RIMS2: variants seen among roughly 807,000 people sequenced by gnomAD.
The protein encoded by RIMS2 is regulating synaptic membrane exocytosis protein 2.
RIMS2 carries 59 observed loss-of-function variants against 174.4 expected under a neutral mutation model. That is an observed-to-expected ratio of 0.34 (90% CI 0.27 to 0.42). The LOEUF (loss-of-function observed/expected upper bound fraction) is 0.42, where lower values mean the gene tolerates loss of function less well. RIMS2 is among the 10% of genes least tolerant of loss of function. The pLI is 1.00. For synonymous variants in RIMS2, 606 were observed against 572.5 expected (o/e 1.06, Z -0.84); for missense variants, 1,620 against 1,666.3 (o/e 0.97, Z 0.48).
chr8:103,632,025 T>C (rs986770981), intron 1 of RIMS2, among the ~76,000 whole-genome samples: 9 of 152,208 alleles, frequency 5.9e-5, no homozygotes, highest in African/African-American at 2.2e-4. Context: ...AGCTTTTGTG[T>C]AGAGACTATG....
intron 2 of RIMS2, among the ~76,000 whole-genome samples, chr8:103,721,762 T>G (rs2097451916): frequency 6.6e-6 from 1 of 152,210 alleles, no homozygotes; most frequent in Non-Finnish European, 1.5e-5. Flanking sequence ...CTGCATGGGA[T>G]TCCCATAACT....
intron 2 of RIMS2, among the ~76,000 whole-genome samples, chr8:103,710,560 G>A (rs920586078): frequency 7.2e-5 from 11 of 152,238 alleles, no homozygotes; most frequent in Admixed American, 5.9e-4. Context: ...GGATAGTGAT[G>A]TTAGAAAGAC....
intron 1 of RIMS2, among the ~76,000 whole-genome samples, chr8:103,601,191 C>G (rs1176915875): frequency 6.6e-6 from 1 of 152,110 alleles, no homozygotes; most frequent in Admixed American, 6.6e-5. Flanking sequence ...GTATCCTTTG[C>G]TATACAGAAG....
intron 4 of RIMS2, among the ~76,000 whole-genome samples, chr8:103,906,396 C>A (rs2074412530): frequency 6.6e-6 from 1 of 152,078 alleles, no homozygotes; most frequent in Non-Finnish European, 1.5e-5. Flanking sequence ...GAGCTACATG[C>A]CACCATGCCC....
intron 4 of RIMS2, among the ~76,000 whole-genome samples, chr8:103,909,507 TAA>T (rs1476743949): frequency 6.6e-6 from 1 of 152,132 alleles, no homozygotes; most frequent in Admixed American, 6.5e-5. Context: ...GATGTTTAAG[TAA>T]AGTTTATTTT....
intron 2 of RIMS2, among the ~76,000 whole-genome samples, chr8:103,756,990 T>C (rs1240536365): frequency 7.2e-6 from 1 of 138,380 alleles, no homozygotes; most frequent in Admixed American, 7.0e-5. Context: ...TGTGTGTGTG[T>C]GTGTGTGTGT....
intron 3 of RIMS2, among the ~76,000 whole-genome samples, chr8:103,816,828 G>T (rs890529797): frequency 5.3e-5 from 8 of 152,138 alleles, no homozygotes; most frequent in Admixed American, 2.0e-4. Flanking sequence ...TCATTCTAGT[G>T]TTTCCATTAC....
Position 103,590,026 on chromosome 8 carries a change from G to A in RIMS2, c.176+88964G>A, listed in dbSNP as rs142413040. ...TAAGATCTACTATTTTATGCACAACGTGGTGACTATAGTTAATAATTACTT... is the reference window on the plus strand; with the variant it reads ...TAAGATCTACTATTTTATGCACAACATGGTGACTATAGTTAATAATTACTT... On this transcript the variant is annotated intron_variant, in intron 1 of 23. Transcript: ENST00000504942. Among the ~76,000 whole-genome samples, 89 of 151,374 alleles carry A rather than the reference G, an allele frequency of 5.9e-4. 2 individuals carry two copies. The Middle Eastern group carries it at 0.017, about 29-fold the overall frequency.
chr8:103,666,233 C>T (rs2136226865), intron 1 of RIMS2, among the ~76,000 whole-genome samples: 2 of 152,254 alleles, frequency 1.3e-5, no homozygotes, highest in Middle Eastern at 3.4e-3. Flanking sequence ...AGTTGGTCAC[C>T]TGTTATTGCC....
chr8:103,787,980 T>G (rs2154439698), intron 3 of RIMS2, among the ~76,000 whole-genome samples: 1 of 151,250 alleles, frequency 6.6e-6, no homozygotes, highest in Non-Finnish European at 1.5e-5. Context: ...CTTTTTATTC[T>G]TTTTTCTCTA....
chr8:104,003,301 C>G (rs899354534), intron 17 of RIMS2, among the ~76,000 whole-genome samples: 1 of 151,980 alleles, frequency 6.6e-6, no homozygotes, highest in Non-Finnish European at 1.5e-5. Context: ...AATGTATGAA[C>G]AGGGTCACAG....
At chr8:104,215,297 C>G (rs1282467866) in intron 19 of RIMS2, among the ~76,000 whole-genome samples, 1 of 151,946 alleles carries the variant, frequency 6.6e-6, no homozygotes, top group African/African-American at 2.4e-5. Flanking sequence ...ATACATGAAG[C>G]TTGGCTAGTA....
In RIMS2 at chr8:103,928,024, A is replaced by G. The variant is rs1470346258; in HGVS notation, c.2244+135A>G. 8 of 654,820 alleles carry G rather than the reference A, an allele frequency of 1.2e-5. No homozygotes were observed. In the East Asian group the frequency reaches 2.4e-4, roughly 19 times the overall value. The allele number at this position is 654,820 out of a possible 1,614,324, so 40.6% of individuals were successfully genotyped here. A position where few individuals can be genotyped will look rare whatever the true frequency, so the allele number is the denominator to read the frequency against. ...ATATTATTGACTTTCAAATCATTTT[A>G]TTAGCCAGCTTGTAAAATTTTGCAT... On this transcript the variant is annotated intron_variant, in intron 11 of 23. Coordinates refer to ENST00000504942, the Ensembl canonical transcript of RIMS2.
chr8:104,044,772 A>C (rs2096665300), intron 19 of RIMS2, among the ~76,000 whole-genome samples: 1 of 151,690 alleles, frequency 6.6e-6, no homozygotes, highest in Non-Finnish European at 1.5e-5. Flanking sequence ...CAGACCCCTA[A>C]TACTGTAAGG....
chr8:103,824,077 T>G (rs1171932909), intron 3 of RIMS2, among the ~76,000 whole-genome samples: 3 of 152,078 alleles, frequency 2.0e-5, no homozygotes, highest in Non-Finnish European at 2.9e-5. Context: ...GTCATTAGTA[T>G]TTTCACTAGA....
chr8:103,527,460 ATAC>A (rs1834619450), intron 1 of RIMS2, among the ~76,000 whole-genome samples: 1 of 152,204 alleles, frequency 6.6e-6, no homozygotes, highest in Non-Finnish European at 1.5e-5. Context: ...TTACATATGT[ATAC>A]ATGTGCCATG....
At chr8:103,668,749 T>A (rs933648469) in intron 1 of RIMS2, among the ~76,000 whole-genome samples, 1 of 151,988 alleles carries the variant, frequency 6.6e-6, no homozygotes, top group Non-Finnish European at 1.5e-5. Context: ...GGCACAGTTG[T>A]AGCTCAGTGT....
chr8:103,590,204 A>G (rs1275458118), intron 1 of RIMS2, among the ~76,000 whole-genome samples: 1 of 151,368 alleles, frequency 6.6e-6, no homozygotes, highest in Non-Finnish European at 1.5e-5. Context: ...ATAAATATAT[A>G]CACCTACTAT....
intron 1 of RIMS2, among the ~76,000 whole-genome samples, chr8:103,550,913 C>T (rs7830104): frequency 0.01 from 1,567 of 152,052 alleles, 28 homozygotes; most frequent in African/African-American, 0.036. Flanking sequence ...AAGTTGAATC[C>T]CTGAATAGAC....
Sources: allele counts gnomAD v4.1 joint callset (sites outside exome capture counted in the v4.1 genomes callset), GRCh38; gene constraint gnomAD v4.1.1; transcripts MANE v1.5; gene names NCBI Gene and HGNC (gene_info 2026-07-23, HGNC 2026-07-21).